The following KMO variants were observed in gnomAD, a reference collection of about 807,000 sequenced individuals.
The protein encoded by KMO is kynurenine 3-monooxygenase.
Under a neutral mutation model 57.8 loss-of-function variants are expected in KMO, and 24 were observed. The ratio of observed to expected loss-of-function variants is 0.42; its 90% CI spans 0.30 to 0.58. The LOEUF (loss-of-function observed/expected upper bound fraction) is 0.58. Among genes scored for constraint, KMO ranks in the 20% least tolerant of loss-of-function variants. The pLI is 0.22. For missense variants in KMO, 483 were observed against 588.2 expected, an observed-to-expected ratio of 0.82 and a Z score of 1.85; for synonymous variants, 210 against 193.6, an observed-to-expected ratio of 1.08 and a Z score of -0.70.
intron 1 of KMO, among the ~76,000 whole-genome samples, chr1:241,536,723 G>A (rs1660766903): frequency 6.6e-6 from 1 of 152,112 alleles, no homozygotes; most frequent in Non-Finnish European, 1.5e-5. Context: ...AGAGAGCTTT[G>A]TGATCTACTC....
intron 10 of KMO, among the ~76,000 whole-genome samples, chr1:241,569,016 T>C (rs1662182909): frequency 6.6e-6 from 1 of 152,118 alleles, no homozygotes; most frequent in Admixed American, 6.5e-5. Context: ...ACATCTAATT[T>C]TTTAAAATTT....
At chr1:241,579,467 G>T (rs569271445) in intron 10 of KMO, among the ~76,000 whole-genome samples, 3 of 152,054 alleles carry the variant, frequency 2.0e-5, no homozygotes, top group African/African-American at 7.2e-5. Context: ...CTAAGGTAAC[G>T]CTTCAGGGAT....
At chr1:241,579,924 G>A (rs1662687285) in intron 10 of KMO, among the ~76,000 whole-genome samples, 1 of 152,124 alleles carries the variant, frequency 6.6e-6, no homozygotes, top group Admixed American at 6.5e-5. Context: ...AACCTCCCTT[G>A]GTTTGTACTG....
intron 1 of KMO, among the ~76,000 whole-genome samples, chr1:241,536,797 C>G (rs181642015): frequency 6.6e-6 from 1 of 152,208 alleles, no homozygotes; most frequent in Admixed American, 6.5e-5. Context: ...GAGATTTGTA[C>G]GTATTTTGAC....
chr1:241,562,392 G>A (rs185390622), intron 7 of KMO, 60 bp downstream of exon 7: 317 of 1,517,990 alleles, frequency 2.1e-4, no homozygotes, highest in Admixed American at 4.3e-4. Flanking sequence ...GCGCGAATGC[G>A]TATTCTAGTG....
At chr1:241,559,470 A>G (rs1279154008) in intron 5 of KMO, among the ~76,000 whole-genome samples, 4 of 152,170 alleles carry the variant, frequency 2.6e-5, no homozygotes, top group African/African-American at 9.7e-5. Context: ...TTTTTCACAA[A>G]CACATGTTAT....
At chr1:241,578,963 C>T (rs1337714660) in intron 10 of KMO, among the ~76,000 whole-genome samples, 1 of 152,066 alleles carries the variant, frequency 6.6e-6, no homozygotes, top group Non-Finnish European at 1.5e-5. Context: ...TCTCATGAGA[C>T]TTATTCACTA....
At chr1:241,577,015 C>T (rs1662546607) in intron 10 of KMO, among the ~76,000 whole-genome samples, 1 of 152,154 alleles carries the variant, frequency 6.6e-6, no homozygotes, top group Admixed American at 6.5e-5. Context: ...CTTCTGCTTT[C>T]TCTAGCCTGT....
At chr1:241,590,179 G>T (rs1663196540) in intron 13 of KMO, 25 bp from the exon 14 acceptor site, 1 of 1,611,890 alleles carries the variant, frequency 6.2e-7, no homozygotes, top group Non-Finnish European at 8.5e-7. Context: ...GAATACACAA[G>T]AATACTTTTT....
chr1:241,568,527 G>A lies in KMO; in HGVS notation c.837G>A (p.Leu279=), dbSNP rs755684729. ...GEKLLVQDFF[L]LPAQPMISVK... ...AACTCCTAGTGCAAGATTTCTTCCT[G>A]TTGCCTGCCCAGCCCATGATATCTG... Residue 279 remains leucine, a synonymous_variant, in exon 10 of 15, where the codon CTG becomes CTA. Coordinates refer to ENST00000366559, the MANE Select transcript of KMO (RefSeq NM_003679.5). 8.1e-6 allele frequency: 13 copies of A among 1,613,770 alleles called. No individual in the cohort carries two copies. The highest frequency in any genetic ancestry group is 1.7e-4 in the Middle Eastern group (1 of 6,060).
intron 1 of KMO, among the ~76,000 whole-genome samples, chr1:241,534,490 T>C (rs1660687173): frequency 6.6e-6 from 1 of 152,266 alleles, no homozygotes; most frequent in Admixed American, 6.5e-5. Context: ...CTAAAATTCC[T>C]CTGCAAAAGA....
intron 1 of KMO, among the ~76,000 whole-genome samples, chr1:241,537,071 A>G (rs2992641): frequency 0.32 from 48,839 of 152,054 alleles, 8,968 homozygotes; most frequent in African/African-American, 0.51. Flanking sequence ...GATGGAAAAA[A>G]CATTATTCAT....
intron 14 of KMO, among the ~76,000 whole-genome samples, chr1:241,590,767 T>C (rs978553043): frequency 6.8e-6 from 1 of 146,474 alleles, no homozygotes; most frequent in Non-Finnish European, 1.5e-5. Context: ...GGTACATAGA[T>C]AGCACTGAGC....
At chr1:241,535,951 C>T (rs1660737142) in intron 1 of KMO, among the ~76,000 whole-genome samples, 2 of 152,126 alleles carry the variant, frequency 1.3e-5, no homozygotes, top group African/African-American at 4.8e-5. Flanking sequence ...CTTTTTACTT[C>T]GTAGATCTAA....
intron 4 of KMO, among the ~76,000 whole-genome samples, chr1:241,552,614 A>G (rs1464860664): frequency 3.3e-5 from 5 of 152,082 alleles, no homozygotes; most frequent in Non-Finnish European, 7.4e-5. Context: ...GATTTGAAAT[A>G]TATCTCCTCC....
chr1:241,586,447 A>C, intron 10 of KMO: 1 of 437,704 alleles, frequency 2.3e-6, no homozygotes, highest in East Asian at 4.8e-5. Flanking sequence ...CGATCCGCTC[A>C]CCTCGGCCTC....
At chr1:241,564,870 T>C in intron 7 of KMO, 117 bp from the exon 8 acceptor site, 2 of 645,456 alleles carry the variant, frequency 3.1e-6, no homozygotes, top group Non-Finnish European at 2.8e-6. Context: ...TAGATGTGCG[T>C]ATCATCGTGT....
chr1:241,589,789 C>T (rs1238776561), intron 12 of KMO, among the ~76,000 whole-genome samples: 1 of 152,216 alleles, frequency 6.6e-6, no homozygotes, highest in Non-Finnish European at 1.5e-5. Context: ...GCAAAATAAA[C>T]TTCCCTAGCA....
At chr1:241,576,163 G>A (rs1269014259) in intron 10 of KMO, among the ~76,000 whole-genome samples, 1 of 151,706 alleles carries the variant, frequency 6.6e-6, no homozygotes, top group African/African-American at 2.4e-5. Context: ...TATGTGTTAG[G>A]TGAGTCTCTT....
Sources: gnomAD v4.1 joint callset for allele counts (sites outside exome capture counted in the v4.1 genomes callset) on GRCh38, gnomAD v4.1.1 for gene constraint, MANE v1.5 for transcripts, NCBI Gene and HGNC (gene_info 2026-07-23, HGNC 2026-07-21) for gene names.